The following STK4 variants were observed in gnomAD, a reference collection of about 807,000 sequenced individuals.
The protein encoded by STK4 is serine/threonine kinase 4, also known as serine/threonine-protein kinase 4.
STK4 carries 30 observed loss-of-function variants against 64.9 expected under a neutral mutation model. The ratio of observed to expected loss-of-function variants is 0.46; its 90% confidence interval spans 0.35 to 0.63. The LOEUF (loss-of-function observed/expected upper bound fraction) is 0.63. Among genes scored for constraint, STK4 ranks in the 20% least tolerant of loss-of-function variants. The pLI is 0.01. For missense variants in STK4, 466 were observed against 598.5 expected (o/e 0.78, Z 2.31); for synonymous variants, 177 against 199.0 (o/e 0.89, Z 0.93).
chr20:45,051,770 C>T (rs961935996), intron 10 of STK4, among the ~76,000 whole-genome samples: 1 of 152,258 alleles, frequency 6.6e-6, no homozygotes, highest in Admixed American at 6.5e-5. Context: ...ATGTTTAGGT[C>T]AGGCTTGCAG....
In STK4 at chr20:45,077,306, G is replaced by C. The variant is rs1170318675; in HGVS notation, c.*2130G>C. Reference sequence around the variant, plus strand: ...GACAGCTGAATTAGTAGTTAAGTCTGATAGCCAAGTAAGTTTTAAAAACCA... The same window carrying C: ...GACAGCTGAATTAGTAGTTAAGTCTCATAGCCAAGTAAGTTTTAAAAACCA... On this transcript the variant is annotated 3_prime_UTR_variant, in exon 11 of 11. Coordinates refer to ENST00000372806, the MANE Select transcript of STK4 (RefSeq NM_006282.5). 6.6e-6 allele frequency: 1 copy of C among 152,200 alleles called. No individual in the cohort carries two copies. Among genetic ancestry groups the C allele is most frequent in the African/African-American group, 2.4e-5 (1 of 41,436 alleles). 9.4% of individuals were successfully genotyped at this position (152,200 alleles called of 1,614,324 possible).
In STK4 at chr20:45,070,950, C is replaced by T. The variant is rs932792264; in HGVS notation, c.1306-4068C>T. The stretch of plus-strand genomic sequence containing the variant: ...TATCATTAGAATAGCATGGGAAAGA[C>T]CTGACCATGCTATTTAATTACCAAG... On this transcript the variant is annotated intron_variant, in intron 10 of 10. Transcript: ENST00000372806. Among the ~76,000 whole-genome samples, 6 of 151,582 alleles carry T rather than the reference C, an allele frequency of 4.0e-5. No homozygotes were observed. The East Asian group carries it at 5.8e-4, about 15-fold the overall frequency.
intron 10 of STK4, among the ~76,000 whole-genome samples, chr20:45,066,517 G>A (rs987569080): frequency 3.3e-5 from 5 of 152,156 alleles, no homozygotes; most frequent in Non-Finnish European, 7.3e-5. Context: ...CCGTGTCAGA[G>A]GTCTTGTCAT....
intron 10 of STK4, among the ~76,000 whole-genome samples, chr20:45,051,337 T>C (rs1335452620): frequency 6.6e-6 from 1 of 152,254 alleles, no homozygotes; most frequent in African/African-American, 2.4e-5. Context: ...TCAAGTACAA[T>C]GCTTTTTATT....
intron 10 of STK4, among the ~76,000 whole-genome samples, chr20:45,027,392 T>C (rs1312651174): frequency 6.9e-6 from 1 of 144,588 alleles, no homozygotes; most frequent in East Asian, 2.0e-4. Context: ...ATCATGCCAT[T>C]GCACTCCAGC....
In STK4 at chr20:44,982,456, A is replaced by G. The variant is rs531405394; in HGVS notation, c.360+513A>G. On this transcript the variant is annotated intron_variant, in intron 4 of 10. Coordinates refer to ENST00000372806, the MANE Select transcript of STK4 (RefSeq NM_006282.5). ...TGGCAATGTGGCAGTTTTGACACCA[A>G]TTTAGTCCAGTGATTTTTAGCATGC... Among the ~76,000 whole-genome samples, 5 of 152,126 alleles carry G rather than the reference A, an allele frequency of 3.3e-5. No homozygotes were observed. In the South Asian group the frequency reaches 8.3e-4, roughly 25 times the overall value.
Position 45,000,440 on chromosome 20 carries a change from A to G in STK4, c.880A>G (p.Ile294Val), listed in dbSNP as rs1164016163. 6.2e-7 allele frequency: 1 copy of G among 1,613,958 alleles called. No individual in the cohort carries two copies. Among genetic ancestry groups the G allele is most frequent in the African/African-American group, 1.3e-5 (1 of 74,930 alleles). Residue 294 changes from isoleucine to valine, a missense_variant, in exon 8 of 11, where the codon ATT becomes GTT. Ile to Val is a conservative substitution (Grantham distance 29). This residue lies in a region of STK4 where 276 missense variants were observed against 308.9 expected (regional missense o/e 0.89). Transcript: ENST00000372806. ...AKGVSILRDLINEAMDVKLKR... is the reference protein window; with the variant it reads ...AKGVSILRDLVNEAMDVKLKR... ...AGGAGTGTCAATACTGCGAGACTTAATTAATGAAGCCATGGATGTGAAACT... is the reference window on the plus strand; with the variant it reads ...AGGAGTGTCAATACTGCGAGACTTAGTTAATGAAGCCATGGATGTGAAACT...
intron 5 of STK4, among the ~76,000 whole-genome samples, chr20:44,989,038 A>C (rs2067587524): frequency 6.6e-6 from 1 of 152,112 alleles, no homozygotes; most frequent in Non-Finnish European, 1.5e-5. Flanking sequence ...CATTAGTTGA[A>C]TATTTAGATT....
At chr20:45,012,948 A>ATTTT (rs60788017) in intron 9 of STK4, among the ~76,000 whole-genome samples, 1 of 51,166 alleles carries the variant, frequency 2.0e-5, no homozygotes, top group Non-Finnish European at 3.4e-5. Context: ...CACACCTGTG[A>ATTTT]TTTTTTTTTT....
At chr20:45,060,724 T>C (rs1978919855) in intron 10 of STK4, among the ~76,000 whole-genome samples, 1 of 152,238 alleles carries the variant, frequency 6.6e-6, no homozygotes, top group Non-Finnish European at 1.5e-5. Flanking sequence ...TGTAAGGTGC[T>C]GAGCACAATG....
chr20:44,994,511 G>A (rs1027718086), intron 5 of STK4, among the ~76,000 whole-genome samples: 4 of 148,328 alleles, frequency 2.7e-5, no homozygotes, highest in East Asian at 3.9e-4. Context: ...TTTTTAATAT[G>A]GTGTTTCAGT....
chr20:44,991,360 C>T (rs145268656), intron 5 of STK4, among the ~76,000 whole-genome samples: 164 of 152,236 alleles, frequency 1.1e-3, no homozygotes, highest in African/African-American at 3.7e-3. Context: ...TGAGTAAATC[C>T]TTAGGATAAT....
At chr20:45,000,009 C>G (rs1003862121) in intron 7 of STK4, among the ~76,000 whole-genome samples, 3 of 152,192 alleles carry the variant, frequency 2.0e-5, no homozygotes, top group Non-Finnish European at 4.4e-5. Context: ...CATGGTCGTA[C>G]AGGACAGTTC....
chr20:44,987,868 G>A (rs1418790468), intron 5 of STK4, among the ~76,000 whole-genome samples: 2 of 151,872 alleles, frequency 1.3e-5, no homozygotes, highest in Non-Finnish European at 2.9e-5. Flanking sequence ...TTTTAGGCAG[G>A]TATACTCTAA....
chr20:44,984,192 T>TTG (rs2067490163), intron 4 of STK4, among the ~76,000 whole-genome samples: 2 of 132,052 alleles, frequency 1.5e-5, no homozygotes, highest in South Asian at 5.1e-4. Context: ...CGTTGTTTTT[T>TTG]TTTTTTTTTT....
intron 1 of STK4, 62 bp from the exon 2 acceptor site, chr20:44,972,016 A>G: frequency 6.8e-7 from 1 of 1,479,274 alleles, no homozygotes; most frequent in Non-Finnish European, 9.4e-7. Context: ...AAAAAGATAT[A>G]TTTTATGTTC....
chr20:44,988,942 C>A (rs2067586178), intron 5 of STK4, among the ~76,000 whole-genome samples: 1 of 152,076 alleles, frequency 6.6e-6, no homozygotes, highest in Admixed American at 6.6e-5. Flanking sequence ...TGAGTTCATC[C>A]ATGTTGTAAC....
chr20:45,058,143 C>T (rs985803997), intron 10 of STK4, among the ~76,000 whole-genome samples: 2 of 151,748 alleles, frequency 1.3e-5, no homozygotes, highest in African/African-American at 4.8e-5. Flanking sequence ...GAGTTCAAGT[C>T]CTAAGACTTT....
rs563330675 is a variant in STK4, at chr20:44,993,618, C to CA, written c.526-1471dup. On this transcript the variant is annotated intron_variant, in intron 5 of 10. Coordinates refer to ENST00000372806, the MANE Select transcript of STK4 (RefSeq NM_006282.5). ...CTTCTGACTGGCATAGCCTAAATCA[C>CA]AGGCATTTCAGAAGGAATATCAGTG... 1.9e-4 allele frequency among the ~76,000 whole-genome samples: 29 copies of CA among 152,358 alleles called. No individual in the cohort carries two copies. The East Asian group carries it at 3.5e-3, about 18-fold the overall frequency.
Sources: allele counts gnomAD v4.1 joint callset (sites outside exome capture counted in the v4.1 genomes callset), GRCh38; gene constraint gnomAD v4.1.1; regional missense constraint gnomAD v4.1.1; transcripts MANE v1.5; gene names NCBI Gene and HGNC (gene_info 2026-07-23, HGNC 2026-07-21).